The following PEPD variants were observed in gnomAD, a reference collection of about 807,000 sequenced individuals.
PEPD encodes peptidase D, also known as xaa-Pro dipeptidase.
In PEPD, 53 loss-of-function variants were observed where a neutral mutation model predicts 60.7. That is an observed-to-expected ratio of 0.87 (90% CI 0.70 to 1.10). The LOEUF is 1.10. Among genes scored for constraint, PEPD ranks in the 50% least tolerant of loss-of-function variants. The probability of loss-of-function intolerance (pLI) is 0.00; values close to 1 mark genes in which losing one functional copy is unlikely to be tolerated. For missense variants in PEPD, 711 were observed against 711.9 expected (o/e 1.00, Z 0.01); for synonymous variants, 267 against 284.1 (o/e 0.94, Z 0.60).
At chr19:33,482,343 CAT>C (rs553210213) in intron 6 of PEPD, among the ~76,000 whole-genome samples, 2 of 152,036 alleles carry the variant, frequency 1.3e-5, no homozygotes, top group Non-Finnish European at 2.9e-5. Context: ...ATAATAAAAC[CAT>C]ATGCTTGTAT....
intron 6 of PEPD, among the ~76,000 whole-genome samples, chr19:33,488,714 T>C (rs528065878): frequency 6.7e-4 from 102 of 152,208 alleles, no homozygotes; most frequent in Non-Finnish European, 1.3e-3. Flanking sequence ...GCTCTTAGCA[T>C]AGGGGGAGGT....
At position 33,430,970 on chromosome 19, in the gene PEPD, T is replaced by A. The variant is rs1223086264; in HGVS notation, c.672-17327A>T. Among the ~76,000 whole-genome samples the A allele has an allele frequency of 2.0e-5, 3 of 152,058 alleles. No individual in the cohort carries two copies. The East Asian group carries it at 5.8e-4, about 29-fold the overall frequency. The stretch of plus-strand genomic sequence containing the variant: ...CCATTGTTGTGGACAAAGTAAAAAA[T>A]AAGCAATCCAGCCAGGTGCTGTGGC... On this transcript the variant is annotated intron_variant, in intron 9 of 14. Transcript: ENST00000244137.
At position 33,432,212 on chromosome 19, in the gene PEPD, A is replaced by T. The variant is rs139365223; in HGVS notation, c.672-18569T>A. Among the ~76,000 whole-genome samples, 383 of 152,254 alleles carry T rather than the reference A, an allele frequency of 2.5e-3. 1 individual carries two copies. Among genetic ancestry groups the T allele is most frequent in the Middle Eastern group, 0.01 (3 of 294 alleles). On this transcript the variant is annotated intron_variant, in intron 9 of 14. Transcript: ENST00000244137. ...GGCTCTCTGGTATGCAGCCTGGAGA[A>T]TCCAAGCCCCTAGAAGGCCTGCCAA...
intron 7 of PEPD, among the ~76,000 whole-genome samples, chr19:33,466,157 A>G (rs1322338990): frequency 6.6e-6 from 1 of 152,232 alleles, no homozygotes; most frequent in Non-Finnish European, 1.5e-5. Flanking sequence ...CTGCAGATAA[A>G]ATCAATAGGA....
At chr19:33,402,843 G>A (rs1968532320) in intron 11 of PEPD, among the ~76,000 whole-genome samples, 1 of 152,222 alleles carries the variant, frequency 6.6e-6, no homozygotes, top group African/African-American at 2.4e-5. Context: ...GGGACAGACA[G>A]TGTGGGACAG....
intron 9 of PEPD, among the ~76,000 whole-genome samples, chr19:33,426,686 C>T (rs559524759): frequency 6.6e-6 from 1 of 152,386 alleles, no homozygotes; most frequent in Admixed American, 6.5e-5. Flanking sequence ...CACTGCGCAG[C>T]AGGTGGCCTT....
intron 7 of PEPD, among the ~76,000 whole-genome samples, chr19:33,471,868 A>C (rs940598891): frequency 5.3e-5 from 8 of 151,822 alleles, no homozygotes; most frequent in African/African-American, 1.9e-4. Flanking sequence ...AACATTTAAA[A>C]ATCAGCCAGA....
intron 5 of PEPD, 149 bp downstream of exon 5, chr19:33,493,141 A>G: frequency 1.5e-6 from 1 of 682,306 alleles, no homozygotes; most frequent in Non-Finnish European, 2.7e-6. Flanking sequence ...CTCTCAAGGC[A>G]CTTGGATAAC....
At chr19:33,490,641 G>A (rs1970481380) in intron 5 of PEPD, among the ~76,000 whole-genome samples, 1 of 152,098 alleles carries the variant, frequency 6.6e-6, no homozygotes, top group African/African-American at 2.4e-5. Flanking sequence ...TCTCCAGAAA[G>A]GCAAGGCATT....
At chr19:33,447,278 C>T (rs769602210) in intron 9 of PEPD, among the ~76,000 whole-genome samples, 15 of 152,216 alleles carry the variant, frequency 9.9e-5, no homozygotes, top group Non-Finnish European at 1.8e-4. Context: ...GCACCAGTGC[C>T]GGATGACTGT....
chr19:33,396,315 G>A (rs1968359038), intron 12 of PEPD, among the ~76,000 whole-genome samples: 2 of 152,004 alleles, frequency 1.3e-5, no homozygotes, highest in Non-Finnish European at 2.9e-5. Context: ...AAAGCTGGCA[G>A]AGGTGCCCCC....
intron 7 of PEPD, among the ~76,000 whole-genome samples, chr19:33,468,698 C>T (rs118112669): frequency 0.012 from 1,782 of 152,286 alleles, 27 homozygotes; most frequent in South Asian, 0.071. Context: ...CACCCTGCAG[C>T]GCAGCGACAC....
intron 11 of PEPD, among the ~76,000 whole-genome samples, chr19:33,404,061 G>C (rs2145351296): frequency 6.6e-6 from 1 of 152,354 alleles, no homozygotes; most frequent in South Asian, 2.1e-4. Context: ...TGAGTCAGGA[G>C]GGTAAACAAC....
chr19:33,466,618 A>C (rs1970021648), intron 7 of PEPD, among the ~76,000 whole-genome samples: 1 of 152,156 alleles, frequency 6.6e-6, no homozygotes. Context: ...CTGGGGGGAA[A>C]ACCATCACAA....
intron 6 of PEPD, among the ~76,000 whole-genome samples, chr19:33,487,955 GC>G (rs1223920456): frequency 4.0e-5 from 6 of 151,898 alleles, no homozygotes; most frequent in African/African-American, 1.5e-4. Flanking sequence ...GAAGCCCAGG[GC>G]CCCACCTGCC....
At chr19:33,428,581 G>A (rs987129225) in intron 9 of PEPD, among the ~76,000 whole-genome samples, 3 of 152,276 alleles carry the variant, frequency 2.0e-5, no homozygotes, top group African/African-American at 4.8e-5. Flanking sequence ...ACCACCGTGG[G>A]CCAGGCTGAC....
intron 6 of PEPD, among the ~76,000 whole-genome samples, chr19:33,485,491 T>TAAAAAAAAAAAAAAAAAAAAAAAAA (rs908651690): frequency 4.5e-5 from 5 of 110,954 alleles, no homozygotes; most frequent in African/African-American, 1.5e-4. Flanking sequence ...AGACTCTGTC[T>TAAAAAAAAAAAAAAAAAAAAAAAAA]AAAAAAAAAA....
At chr19:33,486,801 T>G (rs1326237322) in intron 6 of PEPD, 3 of 152,220 alleles carry the variant, frequency 2.0e-5, no homozygotes, top group African/African-American at 7.2e-5. Flanking sequence ...ATAGGCTGGG[T>G]GGACAGGTGG....
intron 14 of PEPD, 197 bp from the exon 15 acceptor site, chr19:33,387,678 A>C (rs915227184): frequency 2.5e-6 from 2 of 792,764 alleles, no homozygotes; most frequent in Non-Finnish European, 4.2e-6. Context: ...GGTGGATGGG[A>C]GCCCCTGGAG....
Sources: gnomAD v4.1 joint callset for allele counts (sites outside exome capture counted in the v4.1 genomes callset) on GRCh38, gnomAD v4.1.1 for gene constraint, MANE v1.5 for transcripts, NCBI Gene and HGNC (gene_info 2026-07-23, HGNC 2026-07-21) for gene names.